GABBR2: variants seen among roughly 807,000 people sequenced by gnomAD.
The protein encoded by GABBR2 is G-protein coupled receptor 51.
In GABBR2, 23 loss-of-function variants were observed where a neutral mutation model predicts 105.6. The ratio of observed to expected loss-of-function variants is 0.22; its 90% confidence interval spans 0.16 to 0.31. GABBR2 has a LOEUF of 0.31. Ranked by LOEUF, GABBR2 falls within the 10% of genes least tolerant of loss-of-function variation. The pLI is 1.00. For synonymous variants in GABBR2, 478 were observed against 499.7 expected (o/e 0.96, Z 0.58); for missense variants, 734 against 1,245.5 (o/e 0.59, Z 6.18).
intron 1 of GABBR2, among the ~76,000 whole-genome samples, chr9:98,594,189 T>C (rs753790288): frequency 3.9e-5 from 6 of 152,154 alleles, no homozygotes; most frequent in African/African-American, 7.2e-5. Context: ...TGTGTTCCCA[T>C]CTCAACATCC....
rs200695977 is a variant in GABBR2, at chr9:98,386,954, T to C, written c.1530-1182A>G. Among the ~76,000 whole-genome samples the C allele has an allele frequency of 2.3e-4, 35 of 152,282 alleles. No individual in the cohort carries two copies. In the East Asian group the frequency reaches 6.4e-3, roughly 28 times the overall value. ...CTTAGCCTGGCTGAATTTCCTCACC[T>C]GTATAACTGATCCTGTTGCCTTGGA... is the stretch of plus-strand genomic sequence containing the variant. On this transcript the variant is annotated intron_variant, in intron 10 of 18. Transcript: ENST00000259455.
chr9:98,515,405 G>A (rs566496020), intron 3 of GABBR2, among the ~76,000 whole-genome samples: 82 of 152,248 alleles, frequency 5.4e-4, no homozygotes, highest in African/African-American at 1.9e-3. Context: ...ACTCTTTTCT[G>A]AGACCCTGGG....
intron 6 of GABBR2, among the ~76,000 whole-genome samples, chr9:98,472,329 C>T (rs1233278280): frequency 6.6e-6 from 1 of 152,146 alleles, no homozygotes; most frequent in Admixed American, 6.5e-5. Context: ...TTTACATGTC[C>T]TATATTACTT....
intron 3 of GABBR2, among the ~76,000 whole-genome samples, chr9:98,507,026 G>A (rs1019670473): frequency 2.0e-5 from 3 of 152,042 alleles, no homozygotes; most frequent in Non-Finnish European, 4.4e-5. Flanking sequence ...ACGCACCCTC[G>A]GCCCAATTTC....
chr9:98,403,771 AC>A (rs1233144625), intron 8 of GABBR2, among the ~76,000 whole-genome samples: 8 of 149,254 alleles, frequency 5.4e-5, no homozygotes, highest in Non-Finnish European at 1.2e-4. Context: ...ATATATATAT[AC>A]ATATATATAA....
intron 7 of GABBR2, among the ~76,000 whole-genome samples, chr9:98,420,021 T>C (rs1328766734): frequency 6.6e-6 from 1 of 152,104 alleles, no homozygotes; most frequent in Non-Finnish European, 1.5e-5. Flanking sequence ...GTACGTAAGA[T>C]GCTGGGTCAG....
At chr9:98,382,198 G>A (rs1360774582) in intron 11 of GABBR2, among the ~76,000 whole-genome samples, 1 of 152,146 alleles carries the variant, frequency 6.6e-6, no homozygotes, top group East Asian at 1.9e-4. Context: ...GGGAAGGACT[G>A]GGGCCATGGC....
chr9:98,607,154 C>T (rs1829437514), intron 1 of GABBR2: 2 of 1,610,240 alleles, frequency 1.2e-6, no homozygotes, highest in Non-Finnish European at 1.7e-6. Context: ...TCAGTTGCTG[C>T]TCACAATAGT....
chr9:98,365,793 A>G (rs537775581), intron 12 of GABBR2, among the ~76,000 whole-genome samples: 1 of 148,390 alleles, frequency 6.7e-6, no homozygotes, highest in African/African-American at 2.6e-5. Flanking sequence ...ATTTAAAATA[A>G]TCTTAAATAA....
chr9:98,638,614 C>A (rs1325533278), intron 1 of GABBR2, among the ~76,000 whole-genome samples: 2 of 151,952 alleles, frequency 1.3e-5, no homozygotes, highest in East Asian at 3.9e-4. Context: ...TATAGCATGA[C>A]AAGATAATGA....
intron 7 of GABBR2, among the ~76,000 whole-genome samples, chr9:98,414,083 A>G (rs1832640896): frequency 6.6e-6 from 1 of 152,256 alleles, no homozygotes; most frequent in East Asian, 1.9e-4. Flanking sequence ...GATTGCATGA[A>G]GTGTAGGGTC....
intron 7 of GABBR2, among the ~76,000 whole-genome samples, chr9:98,444,855 A>C (rs962903766): frequency 7.0e-6 from 1 of 143,132 alleles, no homozygotes; most frequent in African/African-American, 2.7e-5. Flanking sequence ...GCACGTGCAC[A>C]TGCATATGCA....
At chr9:98,617,313 G>A (rs1829601178) in intron 1 of GABBR2, among the ~76,000 whole-genome samples, 1 of 152,180 alleles carries the variant, frequency 6.6e-6, no homozygotes, top group Non-Finnish European at 1.5e-5. Context: ...CTGGAGGGGT[G>A]AGGAAATGGG....
At chr9:98,465,921 G>A (rs577424709) in intron 6 of GABBR2, among the ~76,000 whole-genome samples, 9 of 152,250 alleles carry the variant, frequency 5.9e-5, no homozygotes, top group East Asian at 1.9e-4. Flanking sequence ...GAGGAGGAGC[G>A]GCCTGCTGGG....
chr9:98,660,339 T>C (rs1259253879), intron 1 of GABBR2, among the ~76,000 whole-genome samples: 2 of 152,228 alleles, frequency 1.3e-5, no homozygotes, highest in Non-Finnish European at 2.9e-5. Context: ...CTTCCACCAG[T>C]ATGAAAATAC....
At chr9:98,368,521 A>G (rs917341616) in intron 12 of GABBR2, among the ~76,000 whole-genome samples, 1 of 152,078 alleles carries the variant, frequency 6.6e-6, no homozygotes, top group Non-Finnish European at 1.5e-5. Flanking sequence ...GCCTCTGGTG[A>G]CCACACCATA....
chr9:98,591,979 C>A (rs999387990), intron 1 of GABBR2, among the ~76,000 whole-genome samples: 1 of 152,166 alleles, frequency 6.6e-6, no homozygotes, highest in African/African-American at 2.4e-5. Flanking sequence ...AATGGGTCAC[C>A]CCAGGAAAAG....
At chr9:98,584,596 C>T (rs1829044142) in intron 1 of GABBR2, among the ~76,000 whole-genome samples, 1 of 152,122 alleles carries the variant, frequency 6.6e-6, no homozygotes, top group Non-Finnish European at 1.5e-5. Context: ...AGTGAGGCTC[C>T]AGATGAAATC....
intron 13 of GABBR2, among the ~76,000 whole-genome samples, chr9:98,341,702 G>A (rs1018025756): frequency 6.6e-6 from 1 of 152,170 alleles, no homozygotes; most frequent in Non-Finnish European, 1.5e-5. Flanking sequence ...TCAGTTCCAC[G>A]AGGACCTAAC....
Sources: gnomAD v4.1 joint callset for allele counts (sites outside exome capture counted in the v4.1 genomes callset) on GRCh38, gnomAD v4.1.1 for gene constraint, MANE v1.5 for transcripts, NCBI Gene and HGNC (gene_info 2026-07-23, HGNC 2026-07-21) for gene names.